Variants in MTRR observed in about 807,000 individuals in gnomAD.
MTRR encodes the protein methionine synthase reductase.
Under a neutral mutation model 79.2 loss-of-function variants are expected in MTRR, and 63 were observed. The ratio of observed to expected loss-of-function variants is 0.80; its 90% CI spans 0.65 to 0.98. The LOEUF (loss-of-function observed/expected upper bound fraction) is 0.98. Among genes scored for constraint, MTRR ranks in the 50% least tolerant of loss-of-function variants. The probability of loss-of-function intolerance (pLI) is 0.00; values close to 1 mark genes in which losing one functional copy is unlikely to be tolerated. For synonymous variants in MTRR, 355 were observed against 313.3 expected, an observed-to-expected ratio of 1.13 and a Z score of -1.41; for missense variants, 895 against 839.6, an observed-to-expected ratio of 1.07 and a Z score of -0.82.
chr5:7,859,919 C>T lies in MTRR; in HGVS notation n.392-2032C>T, dbSNP rs758436638. Among the ~76,000 whole-genome samples, 15 of 151,942 alleles carry T rather than the reference C, an allele frequency of 9.9e-5. No homozygotes were observed. In the South Asian group the frequency reaches 1.9e-3, roughly 19 times the overall value. ...TTTCATTAGATGAGGGTGGGGATGC[C>T]GACAAACTGCTGGAAGGTAGGTATT... On this transcript the variant is annotated intron_variant and non_coding_transcript_variant, in intron 1 of 3. Coordinates refer to the MTRR transcript ENST00000502509.
chr5:7,883,747 G>A (rs1221949150), intron 6 of MTRR, among the ~76,000 whole-genome samples: 2 of 152,132 alleles, frequency 1.3e-5, no homozygotes, highest in African/African-American at 2.4e-5. Flanking sequence ...AAGAATGGCT[G>A]GAGGAGATTC....
chr5:7,891,518 C>G lies in MTRR; in HGVS notation c.1370+104C>G. The G allele has an allele frequency of 3.2e-6, 3 of 943,950 alleles. No homozygotes were observed. The Admixed American group carries it at 5.6e-5, about 18-fold the overall frequency. The allele number at this position is 943,950 out of a possible 1,614,324, so 58.5% of individuals were successfully genotyped here. A position where few individuals can be genotyped will look rare whatever the true frequency, so the allele number is the denominator to read the frequency against. On this transcript the variant is annotated intron_variant, in intron 10 of 14. Coordinates refer to ENST00000440940, the MANE Select transcript of MTRR (RefSeq NM_002454.3). Reference sequence around the variant, plus strand: ...ACTAATTTATTCAGTGAAAACTTACCTGCTTTATGGAAGACAGTACCAGGC... The same window carrying G: ...ACTAATTTATTCAGTGAAAACTTACGTGCTTTATGGAAGACAGTACCAGGC...
chr5:7,865,985 T>G, upstream of MTRR: 1 of 1,612,810 alleles, frequency 6.2e-7, no homozygotes, highest in Non-Finnish European at 8.5e-7. Context: ...ATTCTTTACC[T>G]GAAACAGAAA....
chr5:7,880,398 A>G (rs940766936), intron 5 of MTRR, among the ~76,000 whole-genome samples: 2 of 152,158 alleles, frequency 1.3e-5, no homozygotes, highest in Non-Finnish European at 1.5e-5. Flanking sequence ...TGACTAAATC[A>G]TTGTCCGTGT....
At chr5:7,892,942 T>G (rs1338672226) in intron 11 of MTRR, 29 bp downstream of exon 11, 1 of 1,597,512 alleles carries the variant, frequency 6.3e-7, no homozygotes, top group Non-Finnish European at 8.6e-7. Flanking sequence ...AACCTCAGCA[T>G]TGTTAACTCA....
chr5:7,853,960 C>T (rs1490421956), intron 1 of MTRR, among the ~76,000 whole-genome samples: 1 of 152,038 alleles, frequency 6.6e-6, no homozygotes, highest in East Asian at 1.9e-4. Context: ...GATGTGAGGC[C>T]CTGAGGATGC....
intron 8 of MTRR, 58 bp downstream of exon 8, chr5:7,886,761 G>A (rs992808403): frequency 9.4e-5 from 130 of 1,387,962 alleles, no homozygotes; most frequent in Non-Finnish European, 1.3e-4. Context: ...CTTTATTTAG[G>A]ATTGATTAAA....
In MTRR at chr5:7,873,543, T is replaced by C; in HGVS notation, c.283+17T>C. Reference sequence around the variant, plus strand: ...GGTTACTGGGTAATGGACTCTCTCTTCTGATCTTACTATAGTATACTATTG... The same window carrying C: ...GGTTACTGGGTAATGGACTCTCTCTCCTGATCTTACTATAGTATACTATTG... On this transcript the variant is annotated intron_variant, in intron 3 of 14. Transcript: ENST00000440940. The C allele has an allele frequency of 2.5e-6, 4 of 1,613,454 alleles. No individual in the cohort carries two copies. The highest frequency in any genetic ancestry group is 3.4e-6 in the Non-Finnish European group (4 of 1,179,338).
chr5:7,857,943 A>C (rs1746299249), intron 1 of MTRR, among the ~76,000 whole-genome samples: 1 of 152,246 alleles, frequency 6.6e-6, no homozygotes, highest in African/African-American at 2.4e-5. Context: ...TCAACAGCAC[A>C]GGTGAAGAAC....
At chr5:7,877,811 A>T in intron 4 of MTRR, 133 bp from the exon 5 acceptor site, 1 of 1,209,898 alleles carries the variant, frequency 8.3e-7, no homozygotes, top group Admixed American at 1.8e-5. Flanking sequence ...TATTTTTTGT[A>T]TTCCGAATGG....
At position 7,870,204 on chromosome 5, in the gene MTRR, A is replaced by G. The variant is rs1747687783; in HGVS notation, c.-25-566A>G. On this transcript the variant is annotated intron_variant, in intron 1 of 14. Transcript: ENST00000440940. ...ACATATTTTTGATTTGCATTAAATA[A>G]TGAAGGAGAGTATGTGCTTCAGTTA... The G allele has an allele frequency of 2.3e-5, 9 of 397,688 alleles. No individual in the cohort carries two copies. The South Asian group carries it at 7.7e-4, about 34-fold the overall frequency. 24.6% of individuals were successfully genotyped at this position (397,688 alleles called of 1,614,324 possible). A position where few individuals can be genotyped will look rare whatever the true frequency, so the allele number is the denominator to read the frequency against.
At chr5:7,854,366 A>AT (rs968083604) in intron 1 of MTRR, among the ~76,000 whole-genome samples, 2 of 151,370 alleles carry the variant, frequency 1.3e-5, no homozygotes, top group African/African-American at 2.4e-5. Context: ...TATTATATAT[A>AT]TTTTTTTATA....
At chr5:7,873,894 AC>A (rs766584117) in intron 3 of MTRR, among the ~76,000 whole-genome samples, 1 of 152,112 alleles carries the variant, frequency 6.6e-6, no homozygotes, top group Non-Finnish European at 1.5e-5. Context: ...AAAACAAAAC[AC>A]TCCCAATGAT....
Position 7,886,644 on chromosome 5 carries a change from G to A in MTRR, c.1087G>A (p.Gly363Arg). The A allele has an allele frequency of 6.2e-7, 1 of 1,613,884 alleles. No individual in the cohort carries two copies. The highest frequency in any genetic ancestry group is 1.1e-5 in the South Asian group (1 of 91,062). ...GATLPQHIPAGCSLQFIFTWC... is the reference protein window; with the variant it reads ...GATLPQHIPARCSLQFIFTWC... Reference sequence around the variant, plus strand: ...TACCTTACCCCAGCATATACCTGCGGGATGTTCTCTCCAGTTCATTTTTAC... The same window carrying A: ...TACCTTACCCCAGCATATACCTGCGAGATGTTCTCTCCAGTTCATTTTTAC... The change falls in exon 8 of 15, where the codon GGA becomes AGA. Residue 363 changes from glycine to arginine, a missense_variant. By Grantham distance (125) the Gly-to-Arg change is moderately radical (BLOSUM62 -2). Coordinates refer to ENST00000440940, the MANE Select transcript of MTRR (RefSeq NM_002454.3).
chr5:7,877,660 G>A (rs1734804956), intron 4 of MTRR, among the ~76,000 whole-genome samples: 1 of 151,954 alleles, frequency 6.6e-6, no homozygotes, highest in Non-Finnish European at 1.5e-5. Flanking sequence ...AATATTAGGA[G>A]GAATTCTATT....
intron 5 of MTRR, among the ~76,000 whole-genome samples, chr5:7,879,780 C>T (rs1207759554): frequency 2.0e-5 from 3 of 152,150 alleles, no homozygotes; most frequent in Admixed American, 6.5e-5. Context: ...TACCTTTCTG[C>T]CATGTGGAAG....
intron 9 of MTRR, 99 bp from the exon 10 acceptor site, chr5:7,891,273 C>G (rs1448644085): frequency 2.8e-6 from 2 of 706,290 alleles, no homozygotes; most frequent in Non-Finnish European, 4.5e-6. Flanking sequence ...TTTGAGTATT[C>G]TAAATAAGAC....
At chr5:7,875,167 A>T (rs987574364) in intron 3 of MTRR, 91 bp from the exon 4 acceptor site, 24 of 887,312 alleles carry the variant, frequency 2.7e-5, no homozygotes, top group Non-Finnish European at 4.4e-5. Flanking sequence ...AGAGCATGAA[A>T]TAGTATTATT....
chr5:7,895,677 T>A (rs1048088809), intron 11 of MTRR, 57 bp from the exon 12 acceptor site: 33 of 1,599,926 alleles, frequency 2.1e-5, no homozygotes, highest in Non-Finnish European at 2.8e-5. Flanking sequence ...TCATCTTGAT[T>A]ATATACTCTT....
Sources: allele counts gnomAD v4.1 joint callset (sites outside exome capture counted in the v4.1 genomes callset), GRCh38; gene constraint gnomAD v4.1.1; transcripts MANE v1.5; gene names NCBI Gene and HGNC (gene_info 2026-07-23, HGNC 2026-07-21).